Variants in ELAC1 observed in about 807,000 individuals in gnomAD.
ELAC1 encodes the protein elaC ribonuclease Z 1, also known as zinc phosphodiesterase ELAC protein 1.
Under a neutral mutation model 25.8 loss-of-function variants are expected in ELAC1, and 19 were observed. The ratio of observed to expected loss-of-function variants is 0.74; its 90% CI spans 0.51 to 1.08. The LOEUF (loss-of-function observed/expected upper bound fraction) is 1.08, where lower values mean the gene tolerates loss of function less well. Among genes scored for constraint, ELAC1 ranks in the 50% least tolerant of loss-of-function variants. The probability of loss-of-function intolerance (pLI) is 0.00; values close to 1 mark genes in which losing one functional copy is unlikely to be tolerated. For missense variants in ELAC1, 403 were observed against 434.6 expected (o/e 0.93, Z 0.65); for synonymous variants, 148 against 160.9 (o/e 0.92, Z 0.61).
rs1029213593 is a variant in ELAC1, at chr18:50,975,890, G to T, written c.157+1329G>T. On this transcript the variant is annotated intron_variant, in intron 2 of 3. Transcript: ENST00000269466. ...ATTCATTAATAGAAGGCATCCCAGA[G>T]ATTGTTAACAGTTGAGCTAGGATCC... Among the ~76,000 whole-genome samples, 4 of 152,160 alleles carry T rather than the reference G, an allele frequency of 2.6e-5. No individual in the cohort carries two copies. In the East Asian group the frequency reaches 5.8e-4, roughly 22 times the overall value.
At position 50,984,362 on chromosome 18, in the gene ELAC1, A is replaced by G; in HGVS notation, c.424A>G (p.Asn142Asp). 1 of 1,614,222 alleles carries G rather than the reference A, an allele frequency of 6.2e-7. No individual in the cohort carries two copies. Among genetic ancestry groups the G allele is most frequent in the Non-Finnish European group, 8.5e-7 (1 of 1,180,036 alleles). ...AGAACTAAAAGAATTTGCGCATGTGAATAGAGCAGACAGTCCTCCCAAAGA... is the reference window on the plus strand; with the variant it reads ...AGAACTAAAAGAATTTGCGCATGTGGATAGAGCAGACAGTCCTCCCAAAGA... Reference protein sequence around the residue: ...AEELKEFAHVNRADSPPKEEQ... With the variant: ...AEELKEFAHVDRADSPPKEEQ... Residue 142 changes from asparagine to aspartate, a missense_variant, in exon 3 of 4, where the codon AAT (asparagine) becomes GAT (aspartate). Transcript: ENST00000269466.
intron 3 of ELAC1, among the ~76,000 whole-genome samples, chr18:50,985,118 T>G (rs1390389042): frequency 1.3e-5 from 2 of 152,126 alleles, no homozygotes; most frequent in Non-Finnish European, 2.9e-5. Context: ...GGATCCACAT[T>G]CTTAGTCTGT....
At position 50,973,481 on chromosome 18, in the gene ELAC1, T is replaced by C. The variant is rs779956123; in HGVS notation, c.-8-916T>C. Among the ~76,000 whole-genome samples, 40 of 152,326 alleles carry C rather than the reference T, an allele frequency of 2.6e-4. 1 individual carries two copies. Among genetic ancestry groups the C allele is most frequent in the Non-Finnish European group, 4.7e-4 (32 of 68,030 alleles). ...TAGCAGAGTCCCAAGTCCTCGTGAGTCATGGACCATGTCATGTAGGGAGTG... is the reference window on the plus strand; with the variant it reads ...TAGCAGAGTCCCAAGTCCTCGTGAGCCATGGACCATGTCATGTAGGGAGTG... On this transcript the variant is annotated intron_variant, in intron 1 of 3. Transcript: ENST00000269466.
intron 1 of ELAC1, among the ~76,000 whole-genome samples, chr18:50,973,674 G>C (rs548732970): frequency 1.3e-5 from 2 of 152,232 alleles, no homozygotes; most frequent in South Asian, 2.1e-4. Flanking sequence ...ATCTCAACTA[G>C]AGTTGTTGTT....
chr18:50,982,413 C>T (rs1452125833), intron 2 of ELAC1, among the ~76,000 whole-genome samples: 1 of 152,176 alleles, frequency 6.6e-6, no homozygotes, highest in Non-Finnish European at 1.5e-5. Flanking sequence ...TGTTATAGAA[C>T]AAATCACATT....
At chr18:50,983,155 GTTTTTTTTTTTTTTTT>G (rs552455433) in intron 2 of ELAC1, among the ~76,000 whole-genome samples, 1 of 60,862 alleles carries the variant, frequency 1.6e-5, no homozygotes, top group Non-Finnish European at 3.1e-5. Context: ...TTTACTTGGT[GTTTTTTTTTTTTTTTT>G]TTTTTTTTTT....
intron 2 of ELAC1, among the ~76,000 whole-genome samples, chr18:50,981,996 G>A (rs1907965187): frequency 6.6e-6 from 1 of 152,010 alleles, no homozygotes; most frequent in African/African-American, 2.4e-5. Flanking sequence ...ACAGGCATGT[G>A]CCATCACACC....
In ELAC1 at chr18:50,978,338, TA is replaced by T. The variant is rs976804022; in HGVS notation, c.157+3787del. On this transcript the variant is annotated intron_variant, in intron 2 of 3. Coordinates refer to ENST00000269466, the MANE Select transcript of ELAC1 (RefSeq NM_018696.3). ...AATACCCAAGACTGAGTAATTTATT[TA>T]AAAAAAAAAGAGGTTTAATGAACTA... Among the ~76,000 whole-genome samples, 960 of 149,072 alleles carry T rather than the reference TA, an allele frequency of 6.4e-3. 11 individuals carry two copies. Among genetic ancestry groups the T allele is most frequent in the African/African-American group, 0.022 (914 of 40,806 alleles).
intron 1 of ELAC1, among the ~76,000 whole-genome samples, 157 bp from the exon 2 acceptor site, chr18:50,974,240 A>G (rs1317715806): frequency 6.6e-6 from 1 of 152,266 alleles, no homozygotes; most frequent in Non-Finnish European, 1.5e-5. Flanking sequence ...TAGCCAAGTT[A>G]TTAAAACCTT....
chr18:50,983,311 G>A (rs1787112), intron 2 of ELAC1, among the ~76,000 whole-genome samples: 4 of 151,548 alleles, frequency 2.6e-5, no homozygotes, highest in Non-Finnish European at 4.4e-5. Context: ...ACAGGCATGC[G>A]CCACCACGAC....
chr18:50,975,770 G>T (rs893340751), intron 2 of ELAC1, among the ~76,000 whole-genome samples: 5 of 151,952 alleles, frequency 3.3e-5, no homozygotes, highest in Non-Finnish European at 5.9e-5. Flanking sequence ...ACATGCAAAC[G>T]GACAGTAATC....
chr18:50,970,380 GTTAAT>G (rs1301858632), intron 1 of ELAC1, among the ~76,000 whole-genome samples: 1 of 152,232 alleles, frequency 6.6e-6, no homozygotes, highest in Non-Finnish European at 1.5e-5. Context: ...TCCTTCTGCA[GTTAAT>G]TTGCCTTTAC....
At position 50,969,446 on chromosome 18, in the gene ELAC1, C is replaced by G. The variant is rs1204270475; in HGVS notation, c.-9+1332C>G. ...ACTGTGTTTTTCACATTGTATCATA[C>G]CAGGAGTTAGATAGCATCTTGCCTC... On this transcript the variant is annotated intron_variant, in intron 1 of 3. Coordinates refer to ENST00000269466, the MANE Select transcript of ELAC1 (RefSeq NM_018696.3). 2.6e-5 allele frequency: 4 copies of G among 152,126 alleles called. No homozygotes were observed. The East Asian group carries it at 7.7e-4, about 29-fold the overall frequency. 9.4% of individuals were successfully genotyped at this position (152,126 alleles called of 1,614,324 possible).
At chr18:50,985,477 G>A (rs1222399754) in intron 3 of ELAC1, among the ~76,000 whole-genome samples, 1 of 152,246 alleles carries the variant, frequency 6.6e-6, no homozygotes, top group Admixed American at 6.5e-5. Context: ...TATGCTAAGC[G>A]CTAAGCCAGC....
intron 2 of ELAC1, among the ~76,000 whole-genome samples, chr18:50,983,128 T>C (rs1489278994): frequency 6.6e-6 from 1 of 151,268 alleles, no homozygotes; most frequent in Non-Finnish European, 1.5e-5. Flanking sequence ...GTGAATTATT[T>C]TGGTACACTT....
Position 50,986,843 on chromosome 18 carries a change from G to A in ELAC1, c.850G>A (p.Asp284Asn). The A allele has an allele frequency of 6.2e-7, 1 of 1,614,176 alleles. No homozygotes were observed. Among genetic ancestry groups the A allele is most frequent in the Non-Finnish European group, 8.5e-7 (1 of 1,180,028 alleles). ...AGCAACCCTGGATGATGCCCAGATG[G>A]ACAAAGCAAAGGAGCATGGCCACAG... The part of the protein sequence containing the change: ...HEATLDDAQM[D>N]KAKEHGHSTP... Residue 284 changes from aspartate to asparagine, a missense_variant, in exon 4 of 4, where the codon GAC becomes AAC. Physicochemically the swap from Asp to Asn is conservative, Grantham distance 23 (BLOSUM62 1). Coordinates refer to ENST00000269466, the MANE Select transcript of ELAC1 (RefSeq NM_018696.3).
At position 50,986,804 on chromosome 18, in the gene ELAC1, C is replaced by G. The variant is rs757221212; in HGVS notation, c.811C>G (p.Leu271Val). 23 of 1,613,994 alleles carry G rather than the reference C, an allele frequency of 1.4e-5. No homozygotes were observed. In the South Asian group the frequency reaches 1.4e-4, roughly 10 times the overall value. Residue 271 changes from leucine to valine, a missense_variant, in exon 4 of 4, where the codon CTG becomes GTG. Coordinates refer to ENST00000269466, the MANE Select transcript of ELAC1 (RefSeq NM_018696.3). ...GGVKLCFEAD[L>V]LIHEATLDDA... ...AGTAAAACTGTGCTTTGAAGCAGAC[C>G]TGTTGATCCACGAAGCAACCCTGGA...
At chr18:50,982,556 T>C (rs1292541169) in intron 2 of ELAC1, among the ~76,000 whole-genome samples, 1 of 152,264 alleles carries the variant, frequency 6.6e-6, no homozygotes, top group Non-Finnish European at 1.5e-5. Context: ...GTGTTAATTT[T>C]TGTTGTTACT....
In ELAC1 at chr18:50,986,847, A is replaced by C. The variant is rs755540725; in HGVS notation, c.854A>C (p.Lys285Thr). ...ACCCTGGATGATGCCCAGATGGACA[A>C]AGCAAAGGAGCATGGCCACAGCACA... ...EATLDDAQMDKAKEHGHSTPQ... is the reference protein window; with the variant it reads ...EATLDDAQMDTAKEHGHSTPQ... Residue 285 changes from lysine (K) to threonine (T), a missense_variant, in exon 4 of 4, where the codon AAA (lysine) becomes ACA (threonine). Lys to Thr is a moderately conservative substitution (Grantham distance 78, BLOSUM62 -1). Transcript: ENST00000269466. The C allele has an allele frequency of 1.2e-6, 2 of 1,614,164 alleles. No homozygotes were observed. Among genetic ancestry groups the C allele is most frequent in the East Asian group, 4.5e-5 (2 of 44,880 alleles).
Sources: gnomAD v4.1 joint callset for allele counts (sites outside exome capture counted in the v4.1 genomes callset) on GRCh38, gnomAD v4.1.1 for gene constraint, MANE v1.5 for transcripts, NCBI Gene and HGNC (gene_info 2026-07-23, HGNC 2026-07-21) for gene names.